DCAKD: variants seen among roughly 807,000 people sequenced by gnomAD.
DCAKD encodes the protein dephospho-CoA kinase domain-containing protein.
Under a neutral mutation model 18.7 loss-of-function variants are expected in DCAKD, and 15 were observed. The ratio of observed to expected loss-of-function variants is 0.80; its 90% CI spans 0.54 to 1.24. The LOEUF (loss-of-function observed/expected upper bound fraction) is 1.24. DCAKD is among the 50% of genes most tolerant of loss of function. The pLI is 0.00. For synonymous variants in DCAKD, 130 were observed against 133.0 expected (o/e 0.98, Z 0.16); for missense variants, 301 against 322.0 (o/e 0.93, Z 0.50).
At chr17:45,060,085 CAG>C (rs1285942996) in intron 1 of DCAKD, among the ~76,000 whole-genome samples, 2 of 152,064 alleles carry the variant, frequency 1.3e-5, no homozygotes, top group Non-Finnish European at 2.9e-5. Flanking sequence ...GCCTGGGAGT[CAG>C]AGAGAGACTC....
intron 4 of DCAKD, among the ~76,000 whole-genome samples, chr17:45,027,593 C>G (rs1158674595): frequency 6.6e-6 from 1 of 152,174 alleles, no homozygotes; most frequent in Admixed American, 6.5e-5. Flanking sequence ...GTGAGTGGGG[C>G]TGAAGGTCTC....
intron 4 of DCAKD, among the ~76,000 whole-genome samples, chr17:45,029,315 G>A (rs1319656926): frequency 1.3e-5 from 2 of 152,242 alleles, no homozygotes; most frequent in African/African-American, 4.8e-5. Flanking sequence ...CACAGGCTCC[G>A]CCTCCAGCGT....
Position 45,043,623 on chromosome 17 carries a change from G to A in DCAKD, c.-115+7738C>T, listed in dbSNP as rs553296976. On this transcript the variant is annotated intron_variant, in intron 1 of 4. Transcript: ENST00000651974. ...GCAGCCTGGAGACGGGAGGCGGCAC[G>A]GACGCCCAGAGCTGTCCTGCTGCCA... 8.5e-5 allele frequency among the ~76,000 whole-genome samples: 13 copies of A among 152,294 alleles called. No homozygotes were observed. In the East Asian group the frequency reaches 1.5e-3, roughly 18 times the overall value.
chr17:45,046,206 A>AT (rs1182093117), intron 1 of DCAKD, among the ~76,000 whole-genome samples: 2 of 152,292 alleles, frequency 1.3e-5, no homozygotes, highest in Middle Eastern at 3.4e-3. Context: ...CTGACAATAT[A>AT]TTGGGCTAAA....
chr17:45,026,321 A>G (rs1198373236), intron 4 of DCAKD, among the ~76,000 whole-genome samples: 1 of 138,710 alleles, frequency 7.2e-6, no homozygotes, highest in African/African-American at 2.7e-5. Context: ...TCCGCCTCCC[A>G]GGTTCACGCC....
chr17:45,061,045 G>A (rs778698571), exon 1 of DCAKD: 413 of 1,192,844 alleles, frequency 3.5e-4, no homozygotes, highest in Admixed American at 3.9e-4. Context: ...CCAGGCGGCC[G>A]CCCGGTTCCC....
At chr17:45,047,086 C>T (rs1244004265) in intron 1 of DCAKD, among the ~76,000 whole-genome samples, 2 of 150,170 alleles carry the variant, frequency 1.3e-5, no homozygotes, top group Non-Finnish European at 1.5e-5. Context: ...TGTGATTTTT[C>T]GGCCCATAAT....
chr17:45,049,696 A>ATTTTCT (rs1403451682), intron 1 of DCAKD, among the ~76,000 whole-genome samples: 4 of 142,150 alleles, frequency 2.8e-5, no homozygotes, highest in Admixed American at 7.2e-5. Flanking sequence ...CCAGCAGGTA[A>ATTTTCT]TTTTCTTTTT....
rs1055932020 is a variant in DCAKD, at chr17:45,049,035, T to C, written c.-115+2326A>G. Among the ~76,000 whole-genome samples the C allele has an allele frequency of 3.0e-3, 442 of 146,174 alleles. 2 individuals are homozygous for C. Among genetic ancestry groups the C allele is most frequent in the African/African-American group, 0.01 (397 of 39,142 alleles). ...AGGTCAAGGCTGCAGTGAGCTGTGA[T>C]CCCGCCACTGCACTACAGCCTGGGT... is the stretch of plus-strand genomic sequence containing the variant. On this transcript the variant is annotated intron_variant, in intron 1 of 4. Coordinates refer to ENST00000651974, the MANE Select transcript of DCAKD (RefSeq NM_001288655.2).
chr17:45,058,393 T>C (rs1567856453), intron 1 of DCAKD, among the ~76,000 whole-genome samples: 1 of 152,092 alleles, frequency 6.6e-6, no homozygotes, highest in Non-Finnish European at 1.5e-5. Context: ...AGTGCTGGGA[T>C]TACAGGCATG....
At chr17:45,038,828 A>C (rs111899642) in intron 1 of DCAKD, among the ~76,000 whole-genome samples, 1 of 152,108 alleles carries the variant, frequency 6.6e-6, no homozygotes, top group African/African-American at 2.4e-5. Context: ...CGGGTCCCCA[A>C]CTTAAAAGGG....
chr17:45,057,189 G>A (rs1359578130), intron 1 of DCAKD, among the ~76,000 whole-genome samples: 23 of 152,072 alleles, frequency 1.5e-4, no homozygotes, highest in Admixed American at 1.4e-3. Context: ...AACCATAGGT[G>A]CATGCCACAA....
upstream of DCAKD, among the ~76,000 whole-genome samples, chr17:45,053,381 C>G (rs1013132503): frequency 6.6e-6 from 1 of 150,766 alleles, no homozygotes; most frequent in South Asian, 2.1e-4. Flanking sequence ...CCACAGCTTC[C>G]CGAGTAGCTG....
Position 45,044,712 on chromosome 17 carries a change from T to C in DCAKD, c.-115+6649A>G, listed in dbSNP as rs1423807682. Among the ~76,000 whole-genome samples the C allele has an allele frequency of 2.0e-5, 3 of 150,896 alleles. No individual in the cohort carries two copies. The East Asian group carries it at 5.8e-4, about 29-fold the overall frequency. On this transcript the variant is annotated intron_variant, in intron 1 of 4. Transcript: ENST00000651974. ...ATCAATAAATAAATAAATAAATAAA[T>C]AAATAAATAAATAAATAAATAAATA...
chr17:45,048,770 C>T (rs2053627789), intron 1 of DCAKD, among the ~76,000 whole-genome samples: 1 of 152,098 alleles, frequency 6.6e-6, no homozygotes, highest in African/African-American at 2.4e-5. Flanking sequence ...TGCGCCACTG[C>T]ACTCCAGCCT....
upstream of DCAKD, among the ~76,000 whole-genome samples, chr17:45,053,114 A>C (rs1222371007): frequency 1.5e-5 from 2 of 133,806 alleles, no homozygotes; most frequent in African/African-American, 2.9e-5. Context: ...AGTGAGCCCA[A>C]GATCCGGTCA....
At chr17:45,060,833 G>A in intron 1 of DCAKD, 1 of 166,824 alleles carries the variant, frequency 6.0e-6, no homozygotes, top group South Asian at 1.6e-4. Flanking sequence ...AGAAGGCCTG[G>A]GGCATTCCGG....
intron 2 of DCAKD, 63 bp from the exon 3 acceptor site, chr17:45,034,453 G>C: frequency 6.4e-7 from 1 of 1,574,458 alleles, no homozygotes; most frequent in Non-Finnish European, 8.7e-7. Context: ...GAGGACCTCA[G>C]TGACCAGGGG....
intron 1 of DCAKD, among the ~76,000 whole-genome samples, chr17:45,043,256 C>CAA (rs909092773): frequency 1.8e-5 from 2 of 109,752 alleles, no homozygotes; most frequent in Non-Finnish European, 2.0e-5. Context: ...ACTCTGTCTC[C>CAA]AAAAAAAAAA....
Sources: allele counts gnomAD v4.1 joint callset (sites outside exome capture counted in the v4.1 genomes callset), GRCh38; gene constraint gnomAD v4.1.1; transcripts MANE v1.5; gene names NCBI Gene and HGNC (gene_info 2026-07-23, HGNC 2026-07-21).